The following CCDC149 variants were observed in gnomAD, a reference collection of about 807,000 sequenced individuals.
CCDC149 encodes the protein coiled-coil domain containing 149, also known as coiled-coil domain-containing protein 149.
In CCDC149, 45 loss-of-function variants were observed where a neutral mutation model predicts 59.9. The ratio of observed to expected loss-of-function variants is 0.75; its 90% CI spans 0.59 to 0.96. The LOEUF (loss-of-function observed/expected upper bound fraction) is 0.96. Ranked by LOEUF, CCDC149 falls within the 40% of genes least tolerant of loss-of-function variation. The pLI, the probability that CCDC149 is intolerant of heterozygous loss-of-function variation, is 0.00. For missense variants in CCDC149, 584 were observed against 664.7 expected (o/e 0.88, Z 1.33); for synonymous variants, 245 against 260.6 (o/e 0.94, Z 0.58).
At chr4:24,852,044 A>G (rs1362088260) in intron 4 of CCDC149, among the ~76,000 whole-genome samples, 4 of 151,802 alleles carry the variant, frequency 2.6e-5, no homozygotes, top group African/African-American at 9.7e-5. Flanking sequence ...AGATGTTTAT[A>G]TGCCCTCAAG....
intron 1 of CCDC149, among the ~76,000 whole-genome samples, chr4:24,933,515 C>T (rs1379640149): frequency 1.3e-5 from 2 of 152,014 alleles, no homozygotes; most frequent in African/African-American, 2.4e-5. Flanking sequence ...AAAGTTAAGG[C>T]TTATGTTAGG....
intron 12 of CCDC149, among the ~76,000 whole-genome samples, chr4:24,815,859 G>A (rs1204548932): frequency 3.9e-5 from 6 of 152,050 alleles, no homozygotes; most frequent in Admixed American, 6.6e-5. Context: ...AGGGGGGTGC[G>A]TGTGGGGCCA....
chr4:24,975,364 G>C (rs1724135860), intron 1 of CCDC149, among the ~76,000 whole-genome samples: 1 of 130,732 alleles, frequency 7.6e-6, no homozygotes, highest in Non-Finnish European at 1.6e-5. Context: ...GAGGGGAGGA[G>C]AAGGCAGAGA....
At chr4:24,876,770 A>G in intron 1 of CCDC149, 73 bp from the exon 2 acceptor site, 5 of 1,432,292 alleles carry the variant, frequency 3.5e-6, no homozygotes, top group Middle Eastern at 2.3e-4. Flanking sequence ...ACCGTACTTC[A>G]CACACCCTGT....
intron 1 of CCDC149, among the ~76,000 whole-genome samples, chr4:24,898,163 G>A (rs558843881): frequency 3.3e-5 from 5 of 152,142 alleles, no homozygotes; most frequent in East Asian, 1.9e-4. Flanking sequence ...CTGAAGCCCC[G>A]GGGAAGGGTT....
chr4:24,844,237 A>T lies in CCDC149; in HGVS notation c.373-5965T>A, dbSNP rs115580117. 9.9e-3 allele frequency among the ~76,000 whole-genome samples: 1,511 copies of T among 152,168 alleles called. 26 individuals are homozygous for T. The highest frequency in any genetic ancestry group is 0.034 in the African/African-American group (1,417 of 41,506). On this transcript the variant is annotated intron_variant, in intron 4 of 12. Coordinates refer to ENST00000635206, the MANE Select transcript of CCDC149 (RefSeq NM_001330643.2). ...TGAACCTTGCTTGTCATATGCACTGAAACACCTTGTCCTCCACAACCGTGT... is the reference window on the plus strand; with the variant it reads ...TGAACCTTGCTTGTCATATGCACTGTAACACCTTGTCCTCCACAACCGTGT...
intron 1 of CCDC149, among the ~76,000 whole-genome samples, chr4:24,958,591 A>C (rs1723540142): frequency 6.6e-6 from 1 of 152,238 alleles, no homozygotes; most frequent in African/African-American, 2.4e-5. Context: ...AGATATCTTA[A>C]AAGACTCAAC....
At chr4:24,957,697 G>A (rs1349432348) in intron 1 of CCDC149, among the ~76,000 whole-genome samples, 1 of 152,216 alleles carries the variant, frequency 6.6e-6, no homozygotes, top group Admixed American at 6.5e-5. Context: ...ACATAACCAT[G>A]TCTGTGCATC....
At chr4:24,955,648 C>T (rs549699494) in intron 1 of CCDC149, among the ~76,000 whole-genome samples, 5 of 152,054 alleles carry the variant, frequency 3.3e-5, no homozygotes, top group Non-Finnish European at 7.4e-5. Context: ...TTGTATGATT[C>T]TACTTATATG....
intron 1 of CCDC149, among the ~76,000 whole-genome samples, chr4:24,962,137 A>G (rs1723650777): frequency 6.6e-6 from 1 of 152,228 alleles, no homozygotes; most frequent in African/African-American, 2.4e-5. Flanking sequence ...AACCCCATCA[A>G]AAAGTGGGCA....
intron 1 of CCDC149, among the ~76,000 whole-genome samples, chr4:24,924,173 G>A (rs568680624): frequency 1.3e-5 from 2 of 151,600 alleles, no homozygotes; most frequent in Admixed American, 1.3e-4. Context: ...TGCCAAGAAA[G>A]AGTAGCACCA....
intron 1 of CCDC149, among the ~76,000 whole-genome samples, chr4:24,885,973 G>A (rs1292813480): frequency 6.6e-6 from 1 of 152,168 alleles, no homozygotes; most frequent in Non-Finnish European, 1.5e-5. Flanking sequence ...ACTGCTAAAT[G>A]TTCTACTTGA....
At chr4:24,932,032 C>T (rs952476494) in intron 1 of CCDC149, among the ~76,000 whole-genome samples, 5 of 151,538 alleles carry the variant, frequency 3.3e-5, no homozygotes, top group African/African-American at 1.2e-4. Context: ...GTGAGAAAAC[C>T]GAGACACAGA....
intron 1 of CCDC149, among the ~76,000 whole-genome samples, chr4:24,962,116 A>G (rs1296411022): frequency 5.3e-5 from 8 of 152,046 alleles, no homozygotes; most frequent in Admixed American, 6.5e-5. Context: ...ATTTACAAGA[A>G]AAAAACAAAC....
intron 9 of CCDC149, chr4:24,829,707 G>C (rs1038476027): frequency 5.3e-5 from 8 of 152,154 alleles, no homozygotes; most frequent in African/African-American, 1.9e-4. Context: ...ACTCACCCGG[G>C]ACTTACTGAA....
chr4:24,908,659 C>T (rs1721684886), intron 1 of CCDC149, among the ~76,000 whole-genome samples: 2 of 152,182 alleles, frequency 1.3e-5, no homozygotes, highest in Non-Finnish European at 2.9e-5. Context: ...ATGATCGCAC[C>T]ACTGTACTCC....
intron 4 of CCDC149, among the ~76,000 whole-genome samples, chr4:24,844,642 G>A (rs1717153145): frequency 1.3e-5 from 2 of 152,172 alleles, no homozygotes; most frequent in South Asian, 4.2e-4. Flanking sequence ...GCATGGTGGT[G>A]CACACCTGTA....
chr4:24,886,170 A>G (rs1720167593), intron 1 of CCDC149, among the ~76,000 whole-genome samples: 1 of 152,242 alleles, frequency 6.6e-6, no homozygotes, highest in Non-Finnish European at 1.5e-5. Context: ...AGTAACTGAC[A>G]TTCTAACAAA....
At chr4:24,838,898 G>GTGAA (rs1025945737) in intron 4 of CCDC149, among the ~76,000 whole-genome samples, 20 of 152,164 alleles carry the variant, frequency 1.3e-4, no homozygotes, top group Non-Finnish European at 2.8e-4. Context: ...TGAGGCTTAT[G>GTGAA]TGAACTAGGT....
Sources: allele counts gnomAD v4.1 joint callset (sites outside exome capture counted in the v4.1 genomes callset), GRCh38; gene constraint gnomAD v4.1.1; transcripts MANE v1.5; gene names NCBI Gene and HGNC (gene_info 2026-07-23, HGNC 2026-07-21).